The following DCLK2 variants were observed in gnomAD, a reference collection of about 807,000 sequenced individuals.
DCLK2 encodes doublecortin like kinase 2.
A neutral mutation model predicts 78.4 loss-of-function variants in DCLK2; 31 were observed. The ratio of observed to expected loss-of-function variants is 0.40; its 90% CI spans 0.30 to 0.53. DCLK2 has a LOEUF of 0.53. DCLK2 is among the 20% of genes least tolerant of loss of function. DCLK2 has a pLI of 0.61. For synonymous variants in DCLK2, 407 were observed against 374.9 expected, an observed-to-expected ratio of 1.09 and a Z score of -0.99; for missense variants, 872 against 973.7, an observed-to-expected ratio of 0.90 and a Z score of 1.39.
Position 150,254,109 on chromosome 4 carries a change from C to T in DCLK2, c.2074-1911C>T, listed in dbSNP as rs141016597. Among the ~76,000 whole-genome samples, 557 of 152,232 alleles carry T rather than the reference C, an allele frequency of 3.7e-3. 3 individuals carry two copies. The highest frequency in any genetic ancestry group is 6.8e-3 in the Middle Eastern group (2 of 294). On this transcript the variant is annotated intron_variant, in intron 15 of 15. Coordinates refer to ENST00000296550, the MANE Select transcript of DCLK2 (RefSeq NM_001040260.4). The stretch of plus-strand genomic sequence containing the variant: ...ATGCAGGACGGCCTCCCATGTACCC[C>T]GGGGGGCTCGCCCCAGTTGCAGAGA...
chr4:150,218,699 G>A (rs529124253), intron 5 of DCLK2, among the ~76,000 whole-genome samples: 108 of 152,314 alleles, frequency 7.1e-4, no homozygotes, highest in Admixed American at 1.9e-3. Flanking sequence ...CCAGCTGCCT[G>A]TGGCCTGACC....
At chr4:150,239,633 C>T (rs1043961795) in intron 10 of DCLK2, 109 bp from the exon 11 acceptor site, 18 of 1,366,788 alleles carry the variant, frequency 1.3e-5, no homozygotes, top group Admixed American at 1.1e-4. Flanking sequence ...AGATTTCATT[C>T]GAGTTTAATA....
intron 2 of DCLK2, among the ~76,000 whole-genome samples, chr4:150,122,524 G>T (rs1732623362): frequency 6.6e-6 from 1 of 152,094 alleles, no homozygotes; most frequent in Admixed American, 6.6e-5. Context: ...AACACCACAT[G>T]TTCTCCCTTG....
chr4:150,223,531 G>A (rs1741354951), intron 7 of DCLK2, among the ~76,000 whole-genome samples: 1 of 152,112 alleles, frequency 6.6e-6, no homozygotes, highest in South Asian at 2.1e-4. Context: ...ATCACCTGAG[G>A]TCAGGAGTTC....
chr4:150,190,949 C>T (rs1333236301), intron 2 of DCLK2, among the ~76,000 whole-genome samples: 1 of 152,142 alleles, frequency 6.6e-6, no homozygotes, highest in African/African-American at 2.4e-5. Flanking sequence ...ACCTACCTAC[C>T]TATCTACATA....
chr4:150,139,693 T>G (rs180834608), intron 2 of DCLK2, among the ~76,000 whole-genome samples: 86 of 152,330 alleles, frequency 5.6e-4, no homozygotes, highest in African/African-American at 1.9e-3. Context: ...CTTCCAAAGC[T>G]AATGCACCCT....
intron 14 of DCLK2, 125 bp downstream of exon 14, chr4:150,248,510 T>C (rs1423499407): frequency 9.0e-6 from 7 of 775,134 alleles, no homozygotes; most frequent in Non-Finnish European, 1.5e-5. Flanking sequence ...TGTCTGTCTG[T>C]CCCATTGAGC....
chr4:150,125,108 G>A (rs529201411), intron 2 of DCLK2, among the ~76,000 whole-genome samples: 56 of 152,166 alleles, frequency 3.7e-4, no homozygotes, highest in African/African-American at 1.1e-3. Context: ...TTGTCATGTC[G>A]TTCTCAAGAT....
intron 2 of DCLK2, among the ~76,000 whole-genome samples, chr4:150,148,173 G>A (rs1340349581): frequency 1.3e-5 from 2 of 152,110 alleles, no homozygotes; most frequent in African/African-American, 4.8e-5. Context: ...AGACCAGCCT[G>A]GGCAATGTGG....
intron 1 of DCLK2, among the ~76,000 whole-genome samples, chr4:150,085,269 T>G (rs1729561235): frequency 6.6e-6 from 1 of 152,178 alleles, no homozygotes; most frequent in African/African-American, 2.4e-5. Context: ...CTTGGTTCAT[T>G]TTCTCTTGCT....
chr4:150,161,317 A>G (rs1735693144), intron 2 of DCLK2, among the ~76,000 whole-genome samples: 1 of 152,332 alleles, frequency 6.6e-6, no homozygotes, highest in Non-Finnish European at 1.5e-5. Context: ...AATTAGAAAA[A>G]TAAATGGATA....
intron 6 of DCLK2, among the ~76,000 whole-genome samples, chr4:150,221,327 T>TC (rs1233014804): frequency 3.3e-5 from 5 of 151,834 alleles, no homozygotes; most frequent in African/African-American, 1.2e-4. Flanking sequence ...GTTTTTTTTT[T>TC]TTTTCTTTTT....
intron 10 of DCLK2, among the ~76,000 whole-genome samples, chr4:150,235,501 A>G (rs909956177): frequency 6.6e-6 from 1 of 152,042 alleles, no homozygotes; most frequent in Non-Finnish European, 1.5e-5. Flanking sequence ...CCCTTCCCAA[A>G]CCTACGGGAG....
At chr4:150,132,994 G>A (rs745564395) in intron 2 of DCLK2, among the ~76,000 whole-genome samples, 1 of 152,206 alleles carries the variant, frequency 6.6e-6, no homozygotes, top group Non-Finnish European at 1.5e-5. Flanking sequence ...AGCCACCATA[G>A]TTAATGTATA....
In DCLK2 at chr4:150,248,155, G is replaced by A. The variant is rs1580795453; in HGVS notation, c.1876-150G>A. On this transcript the variant is annotated intron_variant, in intron 13 of 15. Coordinates refer to ENST00000296550, the MANE Select transcript of DCLK2 (RefSeq NM_001040260.4). ...TTGCACTGCTTATAAGGCATTAGGA[G>A]AGTAGGTATAATCACGTTTAGGTTT... 3 of 645,080 alleles carry A rather than the reference G, an allele frequency of 4.7e-6. No individual in the cohort carries two copies. The East Asian group carries it at 8.2e-5, about 18-fold the overall frequency. 40.0% of individuals were successfully genotyped at this position (645,080 alleles called of 1,614,324 possible).
At chr4:150,236,484 A>G (rs1311670808) in intron 10 of DCLK2, among the ~76,000 whole-genome samples, 1 of 152,214 alleles carries the variant, frequency 6.6e-6, no homozygotes, top group African/African-American at 2.4e-5. Flanking sequence ...GGGTGGCTCT[A>G]GAAGTCCAGT....
At chr4:150,226,225 C>CTTT (rs3033026) in intron 8 of DCLK2, among the ~76,000 whole-genome samples, 3 of 142,738 alleles carry the variant, frequency 2.1e-5, no homozygotes, top group Admixed American at 7.0e-5. Context: ...TTGTCATTTA[C>CTTT]TTTTTTTTTT....
At chr4:150,156,177 T>C (rs1257520873) in intron 2 of DCLK2, among the ~76,000 whole-genome samples, 1 of 152,046 alleles carries the variant, frequency 6.6e-6, no homozygotes, top group Non-Finnish European at 1.5e-5. Context: ...GCAAAAGCCG[T>C]GTTAGATGTT....
chr4:150,148,162 G>A (rs541370062), intron 2 of DCLK2, among the ~76,000 whole-genome samples: 16 of 152,192 alleles, frequency 1.1e-4, no homozygotes, highest in African/African-American at 3.9e-4. Flanking sequence ...TCCGTAGTTC[G>A]AGACCAGCCT....
Sources: gnomAD v4.1 joint callset for allele counts (sites outside exome capture counted in the v4.1 genomes callset) on GRCh38, gnomAD v4.1.1 for gene constraint, MANE v1.5 for transcripts, NCBI Gene and HGNC (gene_info 2026-07-23, HGNC 2026-07-21) for gene names.